NBPF20: variants seen among roughly 807,000 people sequenced by gnomAD.
The protein encoded by NBPF20 is NBPF family member NBPF20.
A neutral mutation model predicts 68.1 loss-of-function variants in NBPF20; 90 were observed. The ratio of observed to expected loss-of-function variants is 1.32; its 90% CI spans 1.11 to 1.58. The LOEUF (loss-of-function observed/expected upper bound fraction) is 1.58. Among genes scored for constraint, NBPF20 ranks in the 40% most tolerant of loss-of-function variants. The pLI is 0.00. For synonymous variants in NBPF20, 290 were observed against 228.1 expected (o/e 1.27, Z -2.45); for missense variants, 816 against 601.2 (o/e 1.36, Z -3.74).
At chr1:145,417,500 G>A in the NBPF20 span, among the ~76,000 whole-genome samples, 39 of 147,918 alleles carry the variant, frequency 2.6e-4, no homozygotes, top group Non-Finnish European at 4.6e-4. Context: ...TTGTGTGAAA[G>A]ACACTGTTAA....
At chr1:145,397,683 G>A (rs1662323837) in intron 7 of NBPF20, among the ~76,000 whole-genome samples, 1 of 152,160 alleles carries the variant, frequency 6.6e-6, no homozygotes, top group South Asian at 2.1e-4. Flanking sequence ...CAACTAATGG[G>A]CGAAATAACC....
intron 137 of NBPF20, 62 bp downstream of exon 142, chr1:145,292,319 C>A: frequency 4.7e-6 from 3 of 632,076 alleles, no homozygotes; most frequent in Non-Finnish European, 8.4e-6. Context: ...CTCTGGTTTC[C>A]CTGAATCTGT....
At chr1:145,425,366 G>C in the NBPF20 span, among the ~76,000 whole-genome samples, 39 of 149,572 alleles carry the variant, frequency 2.6e-4, no homozygotes, top group East Asian at 3.5e-3. Flanking sequence ...GGAAACGCTG[G>C]GTGGACTTCG....
the NBPF20 span, among the ~76,000 whole-genome samples, chr1:145,416,177 A>C: frequency 9.3e-5 from 14 of 150,438 alleles, no homozygotes; most frequent in Non-Finnish European, 1.8e-4. Context: ...CTTAACTCCA[A>C]ATATTATTAT....
chr1:145,377,924 C>T (rs1356951869), intron 29 of NBPF20, 119 bp downstream of exon 34: 1 of 394,282 alleles, frequency 2.5e-6, no homozygotes, highest in Non-Finnish European at 4.4e-6. Context: ...ACAGCAATGT[C>T]AGGAGGAGTA....
chr1:145,292,064 T>C lies in NBPF20; in HGVS notation c.16698-295A>G, dbSNP rs61812482. On this transcript the variant is annotated intron_variant, in intron 137 of 137. Coordinates refer to ENST00000369373, the Ensembl canonical transcript of NBPF20. ...AGTCAAAGGACACTCTGAGTTAGTG[T>C]CCTCATGACACACAGCAAACTGTGA... Among the ~76,000 whole-genome samples the C allele has an allele frequency of 7.1e-3, 1,048 of 146,724 alleles. 83 individuals are homozygous for C. The highest frequency in any genetic ancestry group is 0.023 in the East Asian group (118 of 5,158).
the NBPF20 span, among the ~76,000 whole-genome samples, chr1:145,425,415 C>T: frequency 1.3e-5 from 2 of 152,182 alleles, no homozygotes; most frequent in Admixed American, 6.5e-5. Context: ...GCAGCCGCGC[C>T]GCCGCGCCTC....
intron 3 of NBPF20, 66 bp downstream of exon 8, chr1:145,403,150 C>G: frequency 6.3e-7 from 1 of 1,594,432 alleles, no homozygotes; most frequent in Non-Finnish European, 8.6e-7. Flanking sequence ...CGTCTCCCCA[C>G]CGAGCTGCTG....
chr1:145,291,664 G>A, exon 138 of NBPF20: 1 of 1,611,940 alleles, frequency 6.2e-7, no homozygotes, highest in Non-Finnish European at 8.5e-7. Flanking sequence ...TGTAGTGCTG[G>A]AATGAGTCAG....
At chr1:145,403,625 T>C (rs1662631122) in intron 2 of NBPF20, among the ~76,000 whole-genome samples, 1 of 152,118 alleles carries the variant, frequency 6.6e-6, no homozygotes, top group Non-Finnish European at 1.5e-5. Context: ...GGGGCCACTT[T>C]CCCAAGCCTT....
rs1403057724 is a variant in NBPF20, at chr1:145,402,262, G to A, written c.398C>T (p.Pro133Leu). 1.3e-3 allele frequency: 2,102 copies of A among 1,609,776 alleles called. 26 individuals are homozygous for A. In the South Asian group the frequency reaches 0.019, roughly 14 times the overall value. Residue 133 changes from proline to leucine, a missense_variant, in exon 4 of 138, where the codon CCG becomes CTG. Transcript: ENST00000369373. The stretch of plus-strand genomic sequence containing the variant: ...CCCCTGGGACTTGTCCGGCTCATCC[G>A]GAGTAAGGAGGGCCTGGAGATGCTC...
exon 2 of NBPF20, chr1:145,405,151 C>T (rs200609895): frequency 3.9e-5 from 63 of 1,613,570 alleles, no homozygotes; most frequent in Admixed American, 3.8e-4. Flanking sequence ...TACAAAACAT[C>T]TCTCTTTGAG....
At chr1:145,397,221 A>T (rs1300713643) in intron 7 of NBPF20, among the ~76,000 whole-genome samples, 1 of 150,376 alleles carries the variant, frequency 6.6e-6, no homozygotes, top group African/African-American at 2.4e-5. Flanking sequence ...TAGTGCCACA[A>T]TAAACATATG....
chr1:145,410,009 C>G (rs587649126), upstream of NBPF20, among the ~76,000 whole-genome samples: 91 of 152,124 alleles, frequency 6.0e-4, no homozygotes, highest in African/African-American at 2.1e-3. Context: ...TGGAAACACA[C>G]ATACAGATCA....
intron 43 of NBPF20, among the ~76,000 whole-genome samples, 175 bp from the exon 49 acceptor site, chr1:145,366,527 G>T (rs1661695887): frequency 1.2e-5 from 1 of 82,540 alleles, no homozygotes; most frequent in Non-Finnish European, 2.4e-5. Flanking sequence ...AAATGGAAAA[G>T]AATGAAAGAG....
chr1:145,425,585 G>A, the NBPF20 span, among the ~76,000 whole-genome samples: 3 of 152,210 alleles, frequency 2.0e-5, no homozygotes, highest in Non-Finnish European at 4.4e-5. Flanking sequence ...TGGATCCTCA[G>A]GGTCTCGCCG....
intron 132 of NBPF20, chr1:145,296,106 G>T: frequency 1.1e-5 from 1 of 89,112 alleles, no homozygotes; most frequent in Non-Finnish European, 1.8e-5. Context: ...CATGAGAGTA[G>T]GATTAGGGCG....
At chr1:145,292,385 G>C (rs1553658154) in exon 137 of NBPF20, 2 of 680,146 alleles carry the variant, frequency 2.9e-6, no homozygotes, top group East Asian at 2.6e-5. Context: ...AGTCACCTGG[G>C]GCATGGTGGG....
chr1:145,393,572 C>T, intron 9 of NBPF20: 1 of 646,640 alleles, frequency 1.5e-6, no homozygotes, highest in Non-Finnish European at 2.7e-6. Context: ...TCAGGACACA[C>T]TGTGAACAGT....
Sources: allele counts gnomAD v4.1 joint callset (sites outside exome capture counted in the v4.1 genomes callset), GRCh38; gene constraint gnomAD v4.1.1; transcripts MANE v1.5; gene names NCBI Gene and HGNC (gene_info 2026-07-23, HGNC 2026-07-21).